The following POGLUT1 variants were observed in gnomAD, a reference collection of about 807,000 sequenced individuals.
POGLUT1 encodes the protein protein O-glucosyltransferase 1.
In POGLUT1, 32 loss-of-function variants were observed where a neutral mutation model predicts 61.3. The ratio of observed to expected loss-of-function variants is 0.52; its 90% CI spans 0.39 to 0.70. The LOEUF (loss-of-function observed/expected upper bound fraction) is 0.70, where lower values mean the gene tolerates loss of function less well. Ranked by LOEUF, POGLUT1 falls within the 30% of genes least tolerant of loss-of-function variation. The pLI is 0.00. For synonymous variants in POGLUT1, 158 were observed against 158.2 expected, an observed-to-expected ratio of 1.00 and a Z score of 0.01; for missense variants, 411 against 469.8, an observed-to-expected ratio of 0.87 and a Z score of 1.16.
At chr3:119,469,516 T>C (rs2081442225) in intron 1 of POGLUT1, among the ~76,000 whole-genome samples, 2 of 152,226 alleles carry the variant, frequency 1.3e-5, no homozygotes, top group South Asian at 4.1e-4. Flanking sequence ...ATCCTCTTTG[T>C]GGAGTTCAAT....
Position 119,468,969 on chromosome 3 carries a change from G to C in POGLUT1, c.-53G>C, listed in dbSNP as rs776746439. On this transcript the variant is annotated 5_prime_UTR_variant, in exon 1 of 11. Transcript: ENST00000295588. ...CGGCTCCCGGGCCATCTTTGTGCGG[G>C]GCCGCGCTTCCGCCAGCGCCGCAGC... 2 of 1,491,346 alleles carry C rather than the reference G, an allele frequency of 1.3e-6. No homozygotes were observed. The highest frequency in any genetic ancestry group is 1.8e-6 in the Non-Finnish European group (2 of 1,093,146). 92.4% of individuals were successfully genotyped at this position (1,491,346 alleles called of 1,614,324 possible). A position where few individuals can be genotyped will look rare whatever the true frequency, so the allele number is the denominator to read the frequency against.
intron 3 of POGLUT1, among the ~76,000 whole-genome samples, chr3:119,472,198 G>GTT (rs202225934): frequency 6.7e-6 from 1 of 149,232 alleles, no homozygotes; most frequent in Admixed American, 6.7e-5. Context: ...TATTTTTGGA[G>GTT]TTTGTTTTTT....
At chr3:119,471,588 A>T (rs1045379949) in intron 3 of POGLUT1, 136 bp downstream of exon 3, 8 of 812,678 alleles carry the variant, frequency 9.8e-6, no homozygotes, top group Non-Finnish European at 1.6e-5. Flanking sequence ...AATAGTGACG[A>T]GCTCTTCTCC....
chr3:119,474,051 C>T (rs576684471), intron 3 of POGLUT1, among the ~76,000 whole-genome samples: 91 of 152,132 alleles, frequency 6.0e-4, no homozygotes, highest in South Asian at 1.0e-3. Flanking sequence ...AGCAGAGGAA[C>T]CAGAGGTTTA....
chr3:119,472,388 A>G (rs532672593), intron 3 of POGLUT1, among the ~76,000 whole-genome samples: 10 of 152,202 alleles, frequency 6.6e-5, no homozygotes, highest in African/African-American at 2.4e-4. Flanking sequence ...GTATTTAATA[A>G]CAACTTTGTA....
chr3:119,477,491 T>A (rs1387064369), intron 4 of POGLUT1, 43 bp downstream of exon 4: 3 of 1,581,568 alleles, frequency 1.9e-6, no homozygotes, highest in Non-Finnish European at 2.6e-6. Flanking sequence ...AGAGTGGTCC[T>A]CTAGGATATG....
At position 119,477,359 on chromosome 3, in the gene POGLUT1, C is replaced by G; in HGVS notation, c.367C>G (p.Pro123Ala). ...HFILEVIGRLPDMEMVINVRD... is the reference protein window; with the variant it reads ...HFILEVIGRLADMEMVINVRD... ...TATTTTGGAAGTGATCGGGCGTCTC[C>G]CTGACATGGAGATGGTGATCAATGT... is the stretch of plus-strand genomic sequence containing the variant. Residue 123 changes from proline (P) to alanine (A), a missense_variant, in exon 4 of 11, where the codon CCT becomes GCT. By Grantham distance (27) the Pro-to-Ala change is conservative. Transcript: ENST00000295588. The G allele has an allele frequency of 6.2e-7, 1 of 1,613,998 alleles. No homozygotes were observed. Among genetic ancestry groups the G allele is most frequent in the African/African-American group, 1.3e-5 (1 of 75,034 alleles).
At chr3:119,482,444 G>A (rs2081615929) in intron 5 of POGLUT1, among the ~76,000 whole-genome samples, 1 of 151,766 alleles carries the variant, frequency 6.6e-6, no homozygotes, top group South Asian at 2.1e-4. Context: ...GCCCAGGCTG[G>A]ACTCAAACTC....
chr3:119,492,676 T>A lies in POGLUT1; in HGVS notation c.*238T>A, dbSNP rs2081765593. 3 of 250,192 alleles carry A rather than the reference T, an allele frequency of 1.2e-5. No homozygotes were observed. The South Asian group carries it at 3.8e-4, about 32-fold the overall frequency. The allele number at this position is 250,192 out of a possible 1,614,324, so 15.5% of individuals were successfully genotyped here. ...AATAAGGACCAGAAATCGTGAGATG[T>A]GGATTTTGAACCCAACTCTACCTTT... is the stretch of plus-strand genomic sequence containing the variant. On this transcript the variant is annotated 3_prime_UTR_variant, in exon 11 of 11. Coordinates refer to ENST00000295588, the MANE Select transcript of POGLUT1 (RefSeq NM_152305.3).
chr3:119,479,548 G>A (rs1197977090), intron 4 of POGLUT1, among the ~76,000 whole-genome samples: 1 of 152,168 alleles, frequency 6.6e-6, no homozygotes, highest in Non-Finnish European at 1.5e-5. Context: ...CTTGCCTAGA[G>A]CTGTAAAGAG....
chr3:119,473,660 C>CTT (rs771110307), intron 3 of POGLUT1, among the ~76,000 whole-genome samples: 1 of 142,188 alleles, frequency 7.0e-6, no homozygotes, highest in Non-Finnish European at 1.5e-5. Flanking sequence ...CGTCTAGATA[C>CTT]TTTTTTTTTT....
intron 6 of POGLUT1, 82 bp downstream of exon 6, chr3:119,485,469 T>G: frequency 2.3e-6 from 2 of 856,906 alleles, no homozygotes; most frequent in Non-Finnish European, 3.8e-6. Flanking sequence ...TGACAAGCTC[T>G]GTAGTTCAAA....
chr3:119,485,797 T>C (rs2081657711), intron 6 of POGLUT1, among the ~76,000 whole-genome samples: 1 of 152,196 alleles, frequency 6.6e-6, no homozygotes, highest in Non-Finnish European at 1.5e-5. Flanking sequence ...TCACACCCTG[T>C]GGCTGCCAAA....
intron 3 of POGLUT1, among the ~76,000 whole-genome samples, chr3:119,472,202 G>T (rs73187877): frequency 0.16 from 23,403 of 144,354 alleles, 2,352 homozygotes; most frequent in East Asian, 0.27. Context: ...TTTGGAGTTT[G>T]TTTTTTTTTT....
chr3:119,473,340 A>G (rs574509933), intron 3 of POGLUT1, among the ~76,000 whole-genome samples: 212 of 26,630 alleles, frequency 8.0e-3, no homozygotes, highest in African/African-American at 0.05. Flanking sequence ...ACAATTGCCA[A>G]ATGAAATGAA....
chr3:119,491,494 A>T (rs375258786), intron 9 of POGLUT1, 24 bp from the exon 10 acceptor site: 34 of 1,234,532 alleles, frequency 2.8e-5, no homozygotes, highest in Non-Finnish European at 3.6e-5. Flanking sequence ...TATATTTCAC[A>T]GTCTAAAATT....
At chr3:119,479,809 G>A in intron 4 of POGLUT1, 2 of 819,176 alleles carry the variant, frequency 2.4e-6, no homozygotes, top group Non-Finnish European at 3.6e-6. Flanking sequence ...GAATTTGGGG[G>A]AACTGAAAAA....
intron 8 of POGLUT1, 93 bp from the exon 9 acceptor site, chr3:119,490,458 A>G: frequency 9.5e-7 from 1 of 1,054,738 alleles, no homozygotes; most frequent in South Asian, 1.4e-5. Flanking sequence ...GGAATCATAA[A>G]AGGAAAGAAG....
At chr3:119,469,759 G>A (rs1052959308) in intron 1 of POGLUT1, 61 bp from the exon 2 acceptor site, 1 of 811,632 alleles carries the variant, frequency 1.2e-6, no homozygotes. Context: ...CTGTTGGTGT[G>A]GTGTCAGCAA....
Sources: gnomAD v4.1 joint callset for allele counts (sites outside exome capture counted in the v4.1 genomes callset) on GRCh38, gnomAD v4.1.1 for gene constraint, MANE v1.5 for transcripts, NCBI Gene and HGNC (gene_info 2026-07-23, HGNC 2026-07-21) for gene names.